Variants in TFDP1 observed in about 807,000 individuals in gnomAD.
TFDP1 encodes transcription factor Dp-1.
Under a neutral mutation model 48.0 loss-of-function variants are expected in TFDP1, and 6 were observed. The ratio of observed to expected loss-of-function variants is 0.13; its 90% CI spans 0.07 to 0.25. TFDP1 has a LOEUF of 0.25. Ranked by LOEUF, TFDP1 falls within the 10% of genes least tolerant of loss-of-function variation. TFDP1 has a pLI of 1.00. For missense variants in TFDP1, 335 were observed against 543.0 expected (o/e 0.62, Z 3.81); for synonymous variants, 201 against 211.6 (o/e 0.95, Z 0.44).
intron 2 of TFDP1, among the ~76,000 whole-genome samples, chr13:113,605,282 T>C (rs1411890516): frequency 6.6e-6 from 1 of 152,156 alleles, no homozygotes; most frequent in African/African-American, 2.4e-5. Context: ...GTGCCAGTGA[T>C]CTTTCCGTGC....
intron 2 of TFDP1, among the ~76,000 whole-genome samples, chr13:113,604,725 A>G (rs1594442732): frequency 6.6e-6 from 1 of 152,140 alleles, no homozygotes; most frequent in Non-Finnish European, 1.5e-5. Context: ...GACCCCTGGT[A>G]GTTCTGTGTC....
In TFDP1 at chr13:113,637,872, C is replaced by G; in HGVS notation, c.1061C>G (p.Ser354Cys). Residue 354 changes from serine to cysteine, a missense_variant, in exon 11 of 12, where the codon TCT becomes TGT. Transcript: ENST00000375370. ...GVFITTAGSTSNGTRFSASDL... is the reference protein window; with the variant it reads ...GVFITTAGSTCNGTRFSASDL... ...TTCATCACGACGGCAGGTTCCACGTCTAACGGCACAAGGTTCTCTGCCAGG... is the reference window on the plus strand; with the variant it reads ...TTCATCACGACGGCAGGTTCCACGTGTAACGGCACAAGGTTCTCTGCCAGG... The G allele has an allele frequency of 1.9e-6, 3 of 1,613,966 alleles. No individual in the cohort carries two copies. Among genetic ancestry groups the G allele is most frequent in the Non-Finnish European group, 2.5e-6 (3 of 1,180,038 alleles).
intron 2 of TFDP1, among the ~76,000 whole-genome samples, chr13:113,599,228 G>A (rs1438154566): frequency 1.3e-5 from 2 of 151,766 alleles, no homozygotes; most frequent in Non-Finnish European, 1.5e-5. Context: ...TTTGTGGAAC[G>A]TTTCAGACAC....
At chr13:113,613,571 A>G (rs2048762787) in intron 3 of TFDP1, among the ~76,000 whole-genome samples, 1 of 128,238 alleles carries the variant, frequency 7.8e-6, no homozygotes, top group South Asian at 2.9e-4. Context: ...TGTGCATACG[A>G]GTGTGTGTGT....
chr13:113,640,454 T>C lies in TFDP1; in HGVS notation c.*187T>C. On this transcript the variant is annotated 3_prime_UTR_variant, in exon 12 of 12. Coordinates refer to ENST00000375370, the MANE Select transcript of TFDP1 (RefSeq NM_007111.5). ...AGGATTAGGACGTGCTGTGGATGTG[T>C]GTTTTGATACCAGTGTGCTGATGCA... is the stretch of plus-strand genomic sequence containing the variant. 1.1e-6 allele frequency: 1 copy of C among 884,006 alleles called. No homozygotes were observed. The highest frequency in any genetic ancestry group is 1.6e-6 in the Non-Finnish European group (1 of 617,982). The allele number at this position is 884,006 out of a possible 1,614,324, so 54.8% of individuals were successfully genotyped here. A position where few individuals can be genotyped will look rare whatever the true frequency, so the allele number is the denominator to read the frequency against.
At chr13:113,634,452 G>A (rs2140615481) in intron 7 of TFDP1, 82 bp from the exon 8 acceptor site, 1 of 1,103,306 alleles carries the variant, frequency 9.1e-7, no homozygotes, top group South Asian at 1.4e-5. Context: ...GTAACACTGT[G>A]AGGATGTGAG....
rs1225124702 is a variant in TFDP1, at chr13:113,597,721, G to GT, written c.12+11873dup. On this transcript the variant is annotated intron_variant, in intron 2 of 11. Transcript: ENST00000375370. ...AGCACCTCACAGGCCTGGGCGCTGT[G>GT]TAAGACCTCCTCCCAGCCACGAGGG... Among the ~76,000 whole-genome samples, 5 of 152,360 alleles carry GT rather than the reference G, an allele frequency of 3.3e-5. No individual in the cohort carries two copies. The South Asian group carries it at 6.2e-4, about 19-fold the overall frequency.
chr13:113,623,296 C>T lies in TFDP1; in HGVS notation c.186+10C>T, dbSNP rs562656128. 3.1e-6 allele frequency: 5 copies of T among 1,602,892 alleles called. No individual in the cohort carries two copies. The East Asian group carries it at 6.8e-5, about 22-fold the overall frequency. The stretch of plus-strand genomic sequence containing the variant: ...CATTGCCCAGCAAGTGGTAAGCCTC[C>T]CGCAGGAGCGGACAGCCGGGATCTC... On this transcript the variant is annotated intron_variant, in intron 4 of 11. Coordinates refer to ENST00000375370, the MANE Select transcript of TFDP1 (RefSeq NM_007111.5). This position sits in a 1 kb window ranked among gnomAD's most constrained non-coding sequence, Gnocchi z 5.2.
At chr13:113,596,007 A>G (rs184194051) in intron 2 of TFDP1, among the ~76,000 whole-genome samples, 4,132 of 152,258 alleles carry the variant, frequency 0.027, 71 homozygotes, top group Middle Eastern at 0.068. Flanking sequence ...GTGTGAACCC[A>G]GGAGGCGGAG....
At chr13:113,630,081 G>C (rs960011202) in intron 4 of TFDP1, among the ~76,000 whole-genome samples, 2 of 152,104 alleles carry the variant, frequency 1.3e-5, no homozygotes, top group Non-Finnish European at 2.9e-5. Flanking sequence ...GGGCCAGCGC[G>C]CTCTCAGGCA....
chr13:113,637,899 G>A lies in TFDP1; in HGVS notation c.1085+3G>A. 2 of 1,612,910 alleles carry A rather than the reference G, an allele frequency of 1.2e-6. No individual in the cohort carries two copies. Among genetic ancestry groups the A allele is most frequent in the Non-Finnish European group, 1.7e-6 (2 of 1,179,828 alleles). ...AACGGCACAAGGTTCTCTGCCAGGT[G>A]ACAGTCGTTGAGGGTGTGGGAGAGG... On this transcript the variant is annotated splice_donor_region_variant and intron_variant, in intron 11 of 11. Coordinates refer to ENST00000375370, the MANE Select transcript of TFDP1 (RefSeq NM_007111.5).
intron 2 of TFDP1, among the ~76,000 whole-genome samples, chr13:113,588,015 A>G (rs1013454869): frequency 3.3e-5 from 5 of 151,410 alleles, no homozygotes; most frequent in African/African-American, 9.7e-5. Flanking sequence ...CACCACACCC[A>G]GCTAATTTTT....
chr13:113,641,015 A>G lies in TFDP1; in HGVS notation c.*748A>G, dbSNP rs1429583894. The G allele has an allele frequency of 6.6e-6, 1 of 152,644 alleles. No homozygotes were observed. Among genetic ancestry groups the G allele is most frequent in the Non-Finnish European group, 1.5e-5 (1 of 68,040 alleles). The allele number at this position is 152,644 out of a possible 1,614,324, so 9.5% of individuals were successfully genotyped here. A position where few individuals can be genotyped will look rare whatever the true frequency, so the allele number is the denominator to read the frequency against. On this transcript the variant is annotated 3_prime_UTR_variant, in exon 12 of 12. Coordinates refer to ENST00000375370, the MANE Select transcript of TFDP1 (RefSeq NM_007111.5). Reference sequence around the variant, plus strand: ...CTTGGAATGGTTTATTGCTTATGGTAAAATTTGCCTGATTTCTTACAGGCA... The same window carrying G: ...CTTGGAATGGTTTATTGCTTATGGTGAAATTTGCCTGATTTCTTACAGGCA...
At chr13:113,621,034 G>A (rs2048982382) in intron 3 of TFDP1, among the ~76,000 whole-genome samples, 1 of 152,204 alleles carries the variant, frequency 6.6e-6, no homozygotes, top group Non-Finnish European at 1.5e-5. Context: ...TGCATAAAAA[G>A]CAGTAGATGT....
Position 113,597,101 on chromosome 13 carries a change from C to A in TFDP1, c.12+11252C>A, listed in dbSNP as rs180920508. On this transcript the variant is annotated intron_variant, in intron 2 of 11. Transcript: ENST00000375370. ...GCCGGGGTTGCCGCTCCGTTCTGAC[C>A]CCAGGCCACCCTGGAGGAGGGTTTC... Among the ~76,000 whole-genome samples, 97 of 152,228 alleles carry A rather than the reference C, an allele frequency of 6.4e-4. 1 individual carries two copies. The highest frequency in any genetic ancestry group is 1.8e-3 in the Admixed American group (28 of 15,302).
Position 113,634,567 on chromosome 13 carries a change from CAG to C in TFDP1, c.654_655del (p.Lys219ThrfsTer60). Reference sequence around the variant, plus strand: ...ACAGAGGAGACTTGAAAGAATAAAACAGAAACAGTCTCAACTTCAAGAACTTA... The same window carrying C: ...ACAGAGGAGACTTGAAAGAATAAAACAAACAGTCTCAACTTCAAGAACTTA... Reference protein sequence around the residue: ...ERQRRLERIKQKQSQLQELIL... With the variant: ...ERQRRLERIKXKQSQLQELIL... On this transcript the variant is annotated frameshift_variant, in exon 8 of 12. Transcript: ENST00000375370. LOFTEE classifies it high-confidence loss of function. 6.2e-7 allele frequency: 1 copy of C among 1,613,486 alleles called. No individual in the cohort carries two copies. Among genetic ancestry groups the C allele is most frequent in the Non-Finnish European group, 8.5e-7 (1 of 1,179,774 alleles).
At chr13:113,622,743 A>C (rs888806204) in intron 3 of TFDP1, among the ~76,000 whole-genome samples, 2 of 152,208 alleles carry the variant, frequency 1.3e-5, no homozygotes, top group African/African-American at 4.8e-5. Context: ...CCTAGGAACA[A>C]ATGTGGTTCT....
chr13:113,587,765 A>G (rs2048042435), intron 2 of TFDP1, among the ~76,000 whole-genome samples: 1 of 152,116 alleles, frequency 6.6e-6, no homozygotes, highest in Non-Finnish European at 1.5e-5. Context: ...CGCCCGGCCT[A>G]GCTAACTCTT....
chr13:113,591,396 A>G (rs1232382424), intron 2 of TFDP1, among the ~76,000 whole-genome samples: 1 of 152,006 alleles, frequency 6.6e-6, no homozygotes, highest in Non-Finnish European at 1.5e-5. Flanking sequence ...TAAAAGAGGT[A>G]TTATAGGAAC....
Sources: allele counts gnomAD v4.1 joint callset (sites outside exome capture counted in the v4.1 genomes callset), GRCh38; gene constraint gnomAD v4.1.1; non-coding constraint Gnocchi (gnomAD v3.1); transcripts MANE v1.5; gene names NCBI Gene and HGNC (gene_info 2026-07-23, HGNC 2026-07-21).